The following PHACTR1 variants were observed in gnomAD, a reference collection of about 807,000 sequenced individuals.
The protein encoded by PHACTR1 is RPEL repeat containing 1.
PHACTR1 carries 16 observed loss-of-function variants against 69.2 expected under a neutral mutation model. The ratio of observed to expected loss-of-function variants is 0.23; its 90% CI spans 0.16 to 0.35. The LOEUF is 0.35. Ranked by LOEUF, PHACTR1 falls within the 10% of genes least tolerant of loss-of-function variation. The probability of loss-of-function intolerance (pLI) is 1.00; values close to 1 mark genes in which losing one functional copy is unlikely to be tolerated. For missense variants in PHACTR1, 510 were observed against 734.7 expected (o/e 0.69, Z 3.54); for synonymous variants, 312 against 284.5 (o/e 1.10, Z -0.97).
intron 4 of PHACTR1, among the ~76,000 whole-genome samples, chr6:13,003,701 T>G (rs1308513190): frequency 2.6e-5 from 4 of 151,834 alleles, no homozygotes; most frequent in African/African-American, 9.7e-5. Flanking sequence ...GAGTACATAG[T>G]ACCCACTAAA....
chr6:12,941,167 T>G (rs960202961), intron 4 of PHACTR1, among the ~76,000 whole-genome samples: 1 of 152,158 alleles, frequency 6.6e-6, no homozygotes. Flanking sequence ...AGAAAACCCT[T>G]GAGTCCCAAT....
rs1776330203 is a variant in PHACTR1, at chr6:12,822,465, A to G, written c.250+72675A>G. On this transcript the variant is annotated intron_variant, in intron 4 of 14. Coordinates refer to ENST00000332995, the MANE Select transcript of PHACTR1 (RefSeq NM_030948.6). ...CCAGCCAGGTGCTAGGGGATGCCTG[A>G]CAATCCACCAAGCCCTCCATGAGAC... Among the ~76,000 whole-genome samples, 5 of 152,216 alleles carry G rather than the reference A, an allele frequency of 3.3e-5. No homozygotes were observed. In the South Asian group the frequency reaches 1.0e-3, roughly 32 times the overall value.
intron 4 of PHACTR1, among the ~76,000 whole-genome samples, chr6:12,829,800 CAA>C (rs35717093): frequency 2.2e-5 from 3 of 138,448 alleles, no homozygotes; most frequent in South Asian, 4.8e-4. Context: ...ACTAAAAATA[CAA>C]AAAAAAAAAG....
chr6:12,840,790 T>A (rs1778610577), intron 4 of PHACTR1, among the ~76,000 whole-genome samples: 1 of 152,244 alleles, frequency 6.6e-6, no homozygotes, highest in South Asian at 2.1e-4. Flanking sequence ...CCATTTTCTC[T>A]TGCTCTTTTT....
intron 4 of PHACTR1, among the ~76,000 whole-genome samples, chr6:12,889,797 C>CTTT (rs4053036): frequency 0.022 from 2,912 of 132,958 alleles, 121 homozygotes; most frequent in African/African-American, 0.073. Flanking sequence ...CTCCTTCTTC[C>CTTT]TTTTTTTTTT....
At chr6:13,110,850 T>C (rs768425645) in intron 5 of PHACTR1, among the ~76,000 whole-genome samples, 8 of 152,232 alleles carry the variant, frequency 5.3e-5, no homozygotes, top group Non-Finnish European at 8.8e-5. Flanking sequence ...ATCTGGCTAC[T>C]GTAGTATCAT....
chr6:13,084,315 T>C (rs1462119643), intron 5 of PHACTR1, among the ~76,000 whole-genome samples: 1 of 138,196 alleles, frequency 7.2e-6, no homozygotes, highest in Non-Finnish European at 1.5e-5. Context: ...TAGGTGGGAA[T>C]TGAACAATGA....
chr6:12,969,252 A>G (rs146371588), intron 4 of PHACTR1, among the ~76,000 whole-genome samples: 3 of 152,328 alleles, frequency 2.0e-5, no homozygotes, highest in Admixed American at 6.5e-5. Flanking sequence ...TTAAAATCAG[A>G]TATCTTATCT....
intron 5 of PHACTR1, among the ~76,000 whole-genome samples, chr6:13,128,877 G>A (rs1819959910): frequency 6.6e-6 from 1 of 152,122 alleles, no homozygotes; most frequent in Non-Finnish European, 1.5e-5. Flanking sequence ...AAGATGAAAG[G>A]AAGAATCTTA....
At chr6:13,092,276 T>A (rs998954976) in intron 5 of PHACTR1, among the ~76,000 whole-genome samples, 1 of 151,820 alleles carries the variant, frequency 6.6e-6, no homozygotes, top group African/African-American at 2.4e-5. Context: ...GGCCTGGGGG[T>A]TGGGGACCCC....
At chr6:12,802,657 C>A (rs1439772740) in intron 4 of PHACTR1, among the ~76,000 whole-genome samples, 1 of 152,106 alleles carries the variant, frequency 6.6e-6, no homozygotes, top group Non-Finnish European at 1.5e-5. Flanking sequence ...GCTTTTTTAT[C>A]CCATCAAGTA....
chr6:13,043,095 C>T (rs999179007), intron 4 of PHACTR1, among the ~76,000 whole-genome samples: 1 of 152,218 alleles, frequency 6.6e-6, no homozygotes, highest in Non-Finnish European at 1.5e-5. Flanking sequence ...CTCTTTGTCT[C>T]TGTTGTGGCT....
At chr6:12,955,192 CT>C (rs1161324144) in intron 4 of PHACTR1, among the ~76,000 whole-genome samples, 2,626 of 103,278 alleles carry the variant, frequency 0.025, 39 homozygotes, top group African/African-American at 0.047. Context: ...TGTATTTCCT[CT>C]TTTTTTTTTT....
rs77254594 is a variant in PHACTR1 at position 13,011,071 on chromosome 6, T to C, written c.251-42294T>C. On this transcript the variant is annotated intron_variant, in intron 4 of 14. Coordinates refer to ENST00000332995, the MANE Select transcript of PHACTR1 (RefSeq NM_030948.6). ...CACATTCTGTTGTAACAATAAGAGA[T>C]GGCACTTCTTAGCTTCTGAAACTTA... Among the ~76,000 whole-genome samples, 1,228 of 152,348 alleles carry C rather than the reference T, an allele frequency of 8.1e-3. 23 individuals are homozygous for C. Among genetic ancestry groups the C allele is most frequent in the African/African-American group, 0.028 (1,178 of 41,578 alleles).
At position 12,727,325 on chromosome 6, in the gene PHACTR1, C is replaced by T. The variant is rs536852648; in HGVS notation, c.103+8478C>T. On this transcript the variant is annotated intron_variant, in intron 3 of 14. Coordinates refer to ENST00000332995, the MANE Select transcript of PHACTR1 (RefSeq NM_030948.6). ...TAGATGACCATTGAATCCAACCCTC[C>T]TGTTCTGGAGTGTGCCCTGGGAACA... 2.3e-4 allele frequency among the ~76,000 whole-genome samples: 35 copies of T among 152,340 alleles called. No individual in the cohort carries two copies. In the South Asian group the frequency reaches 6.2e-3, roughly 27 times the overall value.
intron 4 of PHACTR1, among the ~76,000 whole-genome samples, chr6:12,892,461 G>A (rs928524606): frequency 6.6e-6 from 1 of 152,130 alleles, no homozygotes; most frequent in East Asian, 1.9e-4. Context: ...TGAAACATAC[G>A]CTCCCATATG....
intron 4 of PHACTR1, among the ~76,000 whole-genome samples, chr6:12,794,940 G>T (rs770653143): frequency 6.6e-6 from 1 of 152,124 alleles, no homozygotes; most frequent in African/African-American, 2.4e-5. Flanking sequence ...CACTCTAGGG[G>T]GCTGTGAAGA....
intron 4 of PHACTR1, among the ~76,000 whole-genome samples, chr6:13,019,165 A>T (rs1398287124): frequency 6.6e-6 from 1 of 151,674 alleles, no homozygotes; most frequent in Non-Finnish European, 1.5e-5. Context: ...CACCCACCTC[A>T]GCCTCCCAAA....
chr6:13,085,808 G>A (rs546705334), intron 5 of PHACTR1, among the ~76,000 whole-genome samples: 1 of 151,904 alleles, frequency 6.6e-6, no homozygotes, highest in Non-Finnish European at 1.5e-5. Context: ...TATACATTCA[G>A]CATTAAACGA....
Sources: gnomAD v4.1 joint callset for allele counts (sites outside exome capture counted in the v4.1 genomes callset) on GRCh38, gnomAD v4.1.1 for gene constraint, MANE v1.5 for transcripts, NCBI Gene and HGNC (gene_info 2026-07-23, HGNC 2026-07-21) for gene names.